Variants in GSE1 observed in about 807,000 individuals in gnomAD.
GSE1 encodes Gse1 coiled-coil protein.
Under a neutral mutation model 112.6 loss-of-function variants are expected in GSE1, and 32 were observed. That is an observed-to-expected ratio of 0.28 (90% CI 0.21 to 0.38). The LOEUF (loss-of-function observed/expected upper bound fraction) is 0.38, where lower values mean the gene tolerates loss of function less well. Among genes scored for constraint, GSE1 ranks in the 10% least tolerant of loss-of-function variants. The pLI is 1.00. For missense variants in GSE1, 2,348 were observed against 1,699.2 expected, an observed-to-expected ratio of 1.38 and a Z score of -6.71; for synonymous variants, 1,115 against 735.6, an observed-to-expected ratio of 1.52 and a Z score of -8.35.
At chr16:85,548,276 G>A (rs1280829431) in intron 2 of GSE1, among the ~76,000 whole-genome samples, 10 of 146,310 alleles carry the variant, frequency 6.8e-5, no homozygotes, top group South Asian at 4.3e-4. Flanking sequence ...AGAAATATTC[G>A]AATTATTCTA....
upstream of GSE1, among the ~76,000 whole-genome samples, chr16:85,553,706 C>A (rs940686626): frequency 6.6e-6 from 1 of 152,152 alleles, no homozygotes; most frequent in Non-Finnish European, 1.5e-5. Flanking sequence ...CCGCCCAGCT[C>A]ATTTAAGAAT....
upstream of GSE1, chr16:85,613,215 G>A: frequency 6.7e-7 from 1 of 1,488,666 alleles, no homozygotes; most frequent in Non-Finnish European, 8.9e-7. Context: ...GTTTGGGTGT[G>A]TCCTCGGCGG....
chr16:85,402,482 C>G (rs944028594), intron 2 of GSE1, among the ~76,000 whole-genome samples: 2 of 152,206 alleles, frequency 1.3e-5, no homozygotes, highest in Non-Finnish European at 2.9e-5. Context: ...AGTCCCAAAG[C>G]TGAGGCTGGA....
rs528259857 is a variant in GSE1 at position 85,558,355 on chromosome 16, T to A, written c.37+1992T>A. Among the ~76,000 whole-genome samples, 40 of 152,364 alleles carry A rather than the reference T, an allele frequency of 2.6e-4. 1 individual carries two copies. The East Asian group carries it at 4.4e-3, about 17-fold the overall frequency. ...GCTCAGGACCAGCTTGTGCCAAGAA[T>A]GAATCTTCTTAAGTACAGGGCGTCT... On this transcript the variant is annotated intron_variant, in intron 1 of 2. Coordinates refer to the GSE1 transcript ENST00000635906.
intron 1 of GSE1, among the ~76,000 whole-genome samples, chr16:85,253,373 T>C (rs954729916): frequency 2.4e-4 from 37 of 152,120 alleles, no homozygotes; most frequent in African/African-American, 8.4e-4. Context: ...CGCTGTCCCC[T>C]GCCAGATCCT....
chr16:85,187,106 C>T (rs1017208934), intron 1 of GSE1, among the ~76,000 whole-genome samples: 1 of 152,222 alleles, frequency 6.6e-6, no homozygotes, highest in African/African-American at 2.4e-5. Context: ...CCTCTTGTTT[C>T]TGTCGCCTCC....
Position 85,478,845 on chromosome 16 carries a change from TTCTTTCTTTCTTTCTTTC to T in GSE1, c.2464+121204_2464+121221del, listed in dbSNP as rs2050548974. On this transcript the variant is annotated intron_variant, in intron 2 of 2. Transcript: ENST00000637419. ...ACCATGCCCCGCTCATTTATTTTCT[TTCTTTCTTTCTTTCTTTC>T]TTTCTTTCTTTCTTTCTTTCTTTCT... Among the ~76,000 whole-genome samples, 4 of 16,404 alleles carry T rather than the reference TTCTTTCTTTCTTTCTTTC, an allele frequency of 2.4e-4. No homozygotes were observed. In the East Asian group the frequency reaches 0.014, roughly 55 times the overall value. The allele number at this position is 16,404 out of a possible 152,430, so 10.8% of individuals were successfully genotyped here.
At chr16:85,377,194 G>T (rs777313976) in intron 2 of GSE1, among the ~76,000 whole-genome samples, 17 of 152,194 alleles carry the variant, frequency 1.1e-4, no homozygotes, top group Admixed American at 7.2e-4. Context: ...AGCCGTTTCT[G>T]TCCTCAGGGG....
intron 1 of GSE1, among the ~76,000 whole-genome samples, chr16:85,562,796 A>G (rs904827312): frequency 2.0e-5 from 3 of 152,198 alleles, no homozygotes; most frequent in African/African-American, 7.2e-5. Flanking sequence ...CTACCCTGGC[A>G]TTGTGTAGAT....
intron 1 of GSE1, chr16:85,594,232 T>TGGGGGGGGG (rs1567626522): frequency 6.1e-4 from 4 of 6,596 alleles, no homozygotes; most frequent in Admixed American, 1.9e-3. Flanking sequence ...CCCTGGGGGG[T>TGGGGGGGGG]TGGGGGGGGG....
chr16:85,301,220 C>T (rs2045514735), intron 1 of GSE1, among the ~76,000 whole-genome samples: 1 of 152,236 alleles, frequency 6.6e-6, no homozygotes, highest in Admixed American at 6.5e-5. Flanking sequence ...CAGGTCGAGC[C>T]CGTGTTCCAT....
intron 1 of GSE1, among the ~76,000 whole-genome samples, chr16:85,237,735 G>A (rs1453545204): frequency 1.3e-5 from 2 of 151,986 alleles, no homozygotes; most frequent in Non-Finnish European, 2.9e-5. Context: ...CTACTTGGGA[G>A]GCTGAGGCAG....
At chr16:85,555,943 C>A, upstream of GSE1, 1 of 983,084 alleles carries the variant, frequency 1.0e-6, no homozygotes, top group Non-Finnish European at 1.2e-6. Flanking sequence ...CCCTCCGCCG[C>A]GCTCCCCCCT....
intron 1 of GSE1, among the ~76,000 whole-genome samples, chr16:85,575,905 T>G (rs930888872): frequency 2.0e-5 from 3 of 150,360 alleles, no homozygotes; most frequent in Admixed American, 6.6e-5. Flanking sequence ...CGTTTCTGTT[T>G]TTTTTTTTTT....
Position 85,421,577 on chromosome 16 carries a change from G to A in GSE1, c.2464+63934G>A, listed in dbSNP as rs561925652. On this transcript the variant is annotated intron_variant, in intron 2 of 2. Transcript: ENST00000637419. ...CTGCACAGCGATTTTCTGACCAGGC[G>A]GGGAGGAGAAGGCAGGTTTTCGGGG... is the stretch of plus-strand genomic sequence containing the variant. Among the ~76,000 whole-genome samples, 9 of 152,206 alleles carry A rather than the reference G, an allele frequency of 5.9e-5. No homozygotes were observed. The South Asian group carries it at 8.3e-4, about 14-fold the overall frequency.
At chr16:85,302,942 G>C (rs1233301239) in intron 1 of GSE1, among the ~76,000 whole-genome samples, 2 of 152,220 alleles carry the variant, frequency 1.3e-5, no homozygotes, top group Admixed American at 6.5e-5. Context: ...GTGACTCGGG[G>C]TCCGGTTTCC....
chr16:85,447,026 G>A (rs1424500700), intron 2 of GSE1, among the ~76,000 whole-genome samples: 1 of 152,136 alleles, frequency 6.6e-6, no homozygotes, highest in African/African-American at 2.4e-5. Flanking sequence ...CTTGAGCTGA[G>A]CCTCTATTTT....
intron 2 of GSE1, among the ~76,000 whole-genome samples, chr16:85,642,520 C>G (rs760949989): frequency 3.3e-4 from 50 of 152,186 alleles, no homozygotes; most frequent in Non-Finnish European, 5.6e-4. Context: ...GTCGCTCACC[C>G]ATCTGTTCAA....
exon 1 of GSE1, chr16:85,170,860 C>A: frequency 6.1e-6 from 6 of 985,574 alleles, no homozygotes; most frequent in Non-Finnish European, 7.2e-6. Flanking sequence ...AGTCCTGCAG[C>A]GACTCTATGT....
Sources: allele counts gnomAD v4.1 joint callset (sites outside exome capture counted in the v4.1 genomes callset), GRCh38; gene constraint gnomAD v4.1.1; transcripts MANE v1.5; gene names NCBI Gene and HGNC (gene_info 2026-07-23, HGNC 2026-07-21).